Variants in EEF1A2 observed in about 807,000 individuals in gnomAD.
EEF1A2 encodes the protein eukaryotic translation elongation factor 1 alpha 2.
In EEF1A2, 5 loss-of-function variants were observed where a neutral mutation model predicts 39.3. The ratio of observed to expected loss-of-function variants is 0.13; its 90% CI spans 0.07 to 0.27. EEF1A2 has a LOEUF of 0.27. Ranked by LOEUF, EEF1A2 falls within the 10% of genes least tolerant of loss-of-function variation. The pLI is 1.00. For synonymous variants in EEF1A2, 287 were observed against 293.7 expected, an observed-to-expected ratio of 0.98 and a Z score of 0.23; for missense variants, 218 against 681.4, an observed-to-expected ratio of 0.32 and a Z score of 7.57.
At chr20:63,490,768 G>A (rs1215879012) in intron 5 of EEF1A2, 33 bp from the exon 6 acceptor site, 2 of 1,575,014 alleles carry the variant, frequency 1.3e-6, no homozygotes, top group Non-Finnish European at 8.6e-7. Flanking sequence ...GGGGAAGGTG[G>A]GGCCCGAGGG....
Position 63,497,433 on chromosome 20 carries a change from T to C in EEF1A2, c.144+187A>G. 4.8e-6 allele frequency: 4 copies of C among 832,124 alleles called. No homozygotes were observed. The highest frequency in any genetic ancestry group is 2.5e-5 in the South Asian group (1 of 39,542). The allele number at this position is 832,124 out of a possible 1,614,324, so 51.5% of individuals were successfully genotyped here. Reference sequence around the variant, plus strand: ...GATGGCCACCCCTCCCCCACCAAGCTCCCCCTAAGAGAGAGGCTGCCCCAC... The same window carrying C: ...GATGGCCACCCCTCCCCCACCAAGCCCCCCCTAAGAGAGAGGCTGCCCCAC... On this transcript the variant is annotated intron_variant, in intron 2 of 7. Coordinates refer to ENST00000217182, the MANE Select transcript of EEF1A2 (RefSeq NM_001958.5). The surrounding 1 kb of genome is among the most constrained non-coding windows in gnomAD (Gnocchi z 7.3).
At chr20:63,496,200 A>G in intron 2 of EEF1A2, 165 bp from the exon 3 acceptor site, 1 of 803,558 alleles carries the variant, frequency 1.2e-6, no homozygotes, top group Non-Finnish European at 1.9e-6. Flanking sequence ...CTCCGTCGGG[A>G]CCCCACACCC....
At position 63,491,920 on chromosome 20, in the gene EEF1A2, AGATG is replaced by A. The variant is rs370750773; in HGVS notation, c.773-1189_773-1186del. Among the ~76,000 whole-genome samples, 30 of 36,216 alleles carry A rather than the reference AGATG, an allele frequency of 8.3e-4. No individual in the cohort carries two copies. The East Asian group carries it at 0.02, about 25-fold the overall frequency. 23.8% of individuals were successfully genotyped at this position (36,216 alleles called of 152,430 possible). On this transcript the variant is annotated intron_variant, in intron 5 of 7. Transcript: ENST00000217182. The stretch of plus-strand genomic sequence containing the variant: ...TGGATGGATGGATGGATGGGGGGAT[AGATG>A]GATGGATGGATGGATGGACGGACGG...
chr20:63,490,839 C>A lies in EEF1A2; in HGVS notation c.773-104G>T, dbSNP rs375117862. 82 of 1,383,330 alleles carry A rather than the reference C, an allele frequency of 5.9e-5. 1 individual carries two copies. The highest frequency in any genetic ancestry group is 5.2e-4 in the East Asian group (21 of 40,250). 85.7% of individuals were successfully genotyped at this position (1,383,330 alleles called of 1,614,324 possible). ...AAACCAACAAAGCCTGGGACTGGAT[C>A]CCCCCGACAGGCCTGGGGGTTGGGG... On this transcript the variant is annotated intron_variant, in intron 5 of 7. Transcript: ENST00000217182.
At position 63,497,555 on chromosome 20, in the gene EEF1A2, C is replaced by T; in HGVS notation, c.144+65G>A. ...TGCCCTGGGGCTGGGAGATGCCAAGCCTGGCCACCACGGGAGTTGGGGGTT... is the reference window on the plus strand; with the variant it reads ...TGCCCTGGGGCTGGGAGATGCCAAGTCTGGCCACCACGGGAGTTGGGGGTT... On this transcript the variant is annotated intron_variant, in intron 2 of 7. Coordinates refer to ENST00000217182, the MANE Select transcript of EEF1A2 (RefSeq NM_001958.5). This position sits in a 1 kb window ranked among gnomAD's most constrained non-coding sequence, Gnocchi z 7.3. 1.9e-6 allele frequency: 3 copies of T among 1,564,626 alleles called. No individual in the cohort carries two copies. Among genetic ancestry groups the T allele is most frequent in the East Asian group, 2.3e-5 (1 of 44,128 alleles).
In EEF1A2 at chr20:63,497,425, C is replaced by T. The variant is rs1328694551; in HGVS notation, c.144+195G>A. 1 of 799,418 alleles carries T rather than the reference C, an allele frequency of 1.3e-6. No individual in the cohort carries two copies. Among genetic ancestry groups the T allele is most frequent in the Non-Finnish European group, 1.8e-6 (1 of 551,928 alleles). The allele number at this position is 799,418 out of a possible 1,614,324, so 49.5% of individuals were successfully genotyped here. A position where few individuals can be genotyped will look rare whatever the true frequency, so the allele number is the denominator to read the frequency against. ...GGCAGCTCGATGGCCACCCCTCCCCCACCAAGCTCCCCCTAAGAGAGAGGC... is the reference window on the plus strand; with the variant it reads ...GGCAGCTCGATGGCCACCCCTCCCCTACCAAGCTCCCCCTAAGAGAGAGGC... On this transcript the variant is annotated intron_variant, in intron 2 of 7. Transcript: ENST00000217182. The surrounding 1 kb of genome is among the most constrained non-coding windows in gnomAD (Gnocchi z 7.3).
chr20:63,496,042 C>T lies in EEF1A2; in HGVS notation c.145-7G>A, dbSNP rs536472004. On this transcript the variant is annotated splice_polypyrimidine_tract_variant and splice_region_variant and intron_variant, in intron 2 of 7. Transcript: ENST00000217182. ...TGAAGGATCCCTTCCCCATCTGGAG[C>T]GGGTGAGGGTCACGGCTGAGGGCGG... 5.6e-6 allele frequency: 9 copies of T among 1,612,174 alleles called. No homozygotes were observed. In the Admixed American group the frequency reaches 8.3e-5, roughly 15 times the overall value.
chr20:63,491,901 GAT>G (rs2145941329), intron 5 of EEF1A2, among the ~76,000 whole-genome samples: 1 of 145,946 alleles, frequency 6.9e-6, no homozygotes, highest in Non-Finnish European at 1.5e-5. Context: ...TGGATGGATG[GAT>G]GGATGGATGG....
At chr20:63,496,424 G>T (rs1396103742) in intron 2 of EEF1A2, 2 of 226,308 alleles carry the variant, frequency 8.8e-6, no homozygotes, top group South Asian at 7.2e-5. Context: ...TAATACCACC[G>T]TGTTTGGGGC....
chr20:63,494,775 G>C (rs149125493), intron 4 of EEF1A2, 30 bp downstream of exon 4: 46,756 of 1,590,926 alleles, frequency 0.029, 779 homozygotes, highest in Non-Finnish European at 0.036. Context: ...GCCAGCTCCC[G>C]TGGCCCGCCC....
In EEF1A2 at chr20:63,495,846, C is replaced by T. The variant is rs908635712; in HGVS notation, c.324+10G>A. 6 of 1,612,090 alleles carry T rather than the reference C, an allele frequency of 3.7e-6. No homozygotes were observed. The highest frequency in any genetic ancestry group is 3.3e-4 in the Middle Eastern group (2 of 6,074). ...CTCTCCCCCAGCCCCGCCTGCTGTG[C>T]CCTGCTCACCTGGGATGTACCCGTG... On this transcript the variant is annotated intron_variant, in intron 3 of 7. Coordinates refer to ENST00000217182, the MANE Select transcript of EEF1A2 (RefSeq NM_001958.5).
intron 3 of EEF1A2, among the ~76,000 whole-genome samples, chr20:63,495,397 G>A (rs968814065): frequency 6.6e-6 from 1 of 152,260 alleles, no homozygotes. Flanking sequence ...AGGACGGATA[G>A]AAGTCACAGT....
chr20:63,495,765 C>T, intron 3 of EEF1A2, 91 bp downstream of exon 3: 1 of 1,502,542 alleles, frequency 6.7e-7, no homozygotes, highest in Non-Finnish European at 9.0e-7. Context: ...GCACAGGAGA[C>T]CCTACCATCC....
chr20:63,490,637 A>T lies in EEF1A2; in HGVS notation c.871T>A (p.Ser291Thr). 6.2e-7 allele frequency: 1 copy of T among 1,612,552 alleles called. No homozygotes were observed. The highest frequency in any genetic ancestry group is 8.5e-7 in the Non-Finnish European group (1 of 1,179,896). The change falls in exon 6 of 8, where the codon TCA (serine) becomes ACA (threonine). Residue 291 changes from serine (S) to threonine (T), a missense_variant. Transcript: ENST00000217182. ...AGAGCCTCGTGGTGCATCTCCACTGACTTCACCTCAGTGGTGATGTTCACT... is the reference window on the plus strand; with the variant it reads ...AGAGCCTCGTGGTGCATCTCCACTGTCTTCACCTCAGTGGTGATGTTCACT... ...APVNITTEVKSVEMHHEALSE... is the reference protein window; with the variant it reads ...APVNITTEVKTVEMHHEALSE...
chr20:63,489,223 T>A, intron 6 of EEF1A2, 71 bp from the exon 7 acceptor site: 1 of 1,486,622 alleles, frequency 6.7e-7, no homozygotes, highest in African/African-American at 1.4e-5. Context: ...AGAGCGGGGC[T>A]GGGAGGCCCA....
At chr20:63,492,254 A>G (rs868578649) in intron 5 of EEF1A2, among the ~76,000 whole-genome samples, 2 of 144,300 alleles carry the variant, frequency 1.4e-5, no homozygotes, top group Admixed American at 7.0e-5. Flanking sequence ...AGGTGGGTGG[A>G]TGGATGGATG....
At chr20:63,494,784 C>A in intron 4 of EEF1A2, 21 bp downstream of exon 4, 1 of 1,600,264 alleles carries the variant, frequency 6.2e-7, no homozygotes, top group Non-Finnish European at 8.5e-7. Flanking sequence ...CGTGGCCCGC[C>A]CCGCCCTAGC....
At chr20:63,489,714 C>T (rs368839442) in intron 6 of EEF1A2, among the ~76,000 whole-genome samples, 5 of 151,960 alleles carry the variant, frequency 3.3e-5, no homozygotes, top group South Asian at 2.1e-4. Flanking sequence ...ACCCGGGAGG[C>T]GGAGGTTGCA....
intron 7 of EEF1A2, among the ~76,000 whole-genome samples, 199 bp from the exon 8 acceptor site, chr20:63,488,624 G>T (rs1447836229): frequency 6.6e-6 from 1 of 152,202 alleles, no homozygotes; most frequent in African/African-American, 2.4e-5. Context: ...GGGCGGCCAC[G>T]GGGCGGGGGC....
Sources: allele counts gnomAD v4.1 joint callset (sites outside exome capture counted in the v4.1 genomes callset), GRCh38; gene constraint gnomAD v4.1.1; non-coding constraint Gnocchi (gnomAD v3.1); transcripts MANE v1.5; gene names NCBI Gene and HGNC (gene_info 2026-07-23, HGNC 2026-07-21).